SV2C: variants seen among roughly 807,000 people sequenced by gnomAD.
SV2C encodes solute carrier family 22 member B3.
Under a neutral mutation model 79.7 loss-of-function variants are expected in SV2C, and 49 were observed. The observed-to-expected ratio is 0.61, with a 90% CI of 0.49 to 0.78. SV2C has a LOEUF of 0.78. SV2C is among the 30% of genes least tolerant of loss of function. SV2C has a pLI of 0.00. For missense variants in SV2C, 833 were observed against 912.9 expected (o/e 0.91, Z 1.13); for synonymous variants, 334 against 333.2 (o/e 1.00, Z -0.03).
downstream of SV2C, among the ~76,000 whole-genome samples, chr5:76,337,807 A>G (rs768330310): frequency 3.9e-5 from 6 of 152,192 alleles, no homozygotes; most frequent in Non-Finnish European, 5.9e-5. Context: ...TCCATTTATT[A>G]GAATTCCAGA....
At chr5:76,039,572 A>G in the SV2C span, among the ~76,000 whole-genome samples, 1 of 152,138 alleles carries the variant, frequency 6.6e-6, no homozygotes, top group Non-Finnish European at 1.5e-5. Flanking sequence ...CCTGGACAAC[A>G]TGGTGAAACC....
chr5:76,086,451 C>G lies in SV2C; in HGVS notation c.-102+2939C>G, dbSNP rs142139919. Among the ~76,000 whole-genome samples the G allele has an allele frequency of 2.1e-3, 324 of 152,272 alleles. 3 individuals carry two copies. Among genetic ancestry groups the G allele is most frequent in the African/African-American group, 7.4e-3 (308 of 41,552 alleles). On this transcript the variant is annotated intron_variant, in intron 1 of 12. Coordinates refer to ENST00000502798, the MANE Select transcript of SV2C (RefSeq NM_014979.4). ...GGTAGATTTCTGTGAGTAGTGAAAG[C>G]AAAATGCCTCTTTTTCTGTGCAGCT... is the stretch of plus-strand genomic sequence containing the variant.
chr5:76,010,719 T>G, the SV2C span, among the ~76,000 whole-genome samples: 19 of 152,254 alleles, frequency 1.2e-4, no homozygotes, highest in Admixed American at 5.2e-4. Context: ...CATGACACAA[T>G]TTTTTAGGTG....
At chr5:76,103,780 T>C (rs1007027763) in intron 1 of SV2C, among the ~76,000 whole-genome samples, 1 of 152,242 alleles carries the variant, frequency 6.6e-6, no homozygotes, top group African/African-American at 2.4e-5. Context: ...TGAATTCTGC[T>C]AAACATTTAA....
the SV2C span, among the ~76,000 whole-genome samples, chr5:75,942,630 C>A: frequency 6.6e-6 from 1 of 152,122 alleles, no homozygotes; most frequent in African/African-American, 2.4e-5. Context: ...GAATCTGTGT[C>A]CTAAATGATA....
At chr5:76,298,714 C>T in intron 9 of SV2C, 80 bp from the exon 10 acceptor site, 3 of 1,530,280 alleles carry the variant, frequency 2.0e-6, no homozygotes, top group Non-Finnish European at 2.7e-6. Flanking sequence ...GGCATTCCAT[C>T]TCTAAAACTA....
At chr5:76,284,381 G>A (rs984944592) in intron 4 of SV2C, among the ~76,000 whole-genome samples, 5 of 152,066 alleles carry the variant, frequency 3.3e-5, no homozygotes, top group African/African-American at 7.2e-5. Context: ...TGCAGCAACC[G>A]CCAATTCCTA....
At chr5:75,933,876 G>C in the SV2C span, among the ~76,000 whole-genome samples, 1 of 151,990 alleles carries the variant, frequency 6.6e-6, no homozygotes, top group Non-Finnish European at 1.5e-5. Flanking sequence ...AAGGCTCCTC[G>C]TTCCCCTACA....
chr5:76,151,134 T>C (rs533354164), intron 2 of SV2C, among the ~76,000 whole-genome samples: 1 of 152,300 alleles, frequency 6.6e-6, no homozygotes, highest in Non-Finnish European at 1.5e-5. Flanking sequence ...GACTGTGGTA[T>C]TTGAGCCAGG....
intron 4 of SV2C, among the ~76,000 whole-genome samples, chr5:76,236,758 C>T (rs535935734): frequency 1.4e-4 from 22 of 152,120 alleles, no homozygotes; most frequent in African/African-American, 5.1e-4. Flanking sequence ...GCCCCACCTC[C>T]GACACTGGGG....
intron 8 of SV2C, among the ~76,000 whole-genome samples, chr5:76,294,922 G>A (rs1747693515): frequency 1.3e-5 from 2 of 152,206 alleles, no homozygotes; most frequent in Admixed American, 6.5e-5. Flanking sequence ...CAGTATCACA[G>A]CAGTGTAGGA....
the SV2C span, among the ~76,000 whole-genome samples, chr5:76,021,277 A>G: frequency 6.6e-6 from 1 of 152,242 alleles, no homozygotes; most frequent in Admixed American, 6.5e-5. Flanking sequence ...TATATTTACC[A>G]TCAATACTCA....
chr5:76,304,482 T>C (rs1038334160), intron 12 of SV2C, among the ~76,000 whole-genome samples: 2 of 152,212 alleles, frequency 1.3e-5, no homozygotes, highest in Non-Finnish European at 2.9e-5. Context: ...AATACAAGAA[T>C]ACAGGAATAG....
chr5:75,877,324 A>G, the SV2C span, among the ~76,000 whole-genome samples: 1 of 152,106 alleles, frequency 6.6e-6, no homozygotes, highest in Non-Finnish European at 1.5e-5. Context: ...ATAATTCAAC[A>G]ACAATAATTG....
chr5:76,128,136 C>A (rs767931896), intron 1 of SV2C, among the ~76,000 whole-genome samples: 1 of 152,106 alleles, frequency 6.6e-6, no homozygotes, highest in Non-Finnish European at 1.5e-5. Flanking sequence ...CTTGAGTAAA[C>A]GAGGAGCATC....
At chr5:76,350,927 T>C (rs1040179444) in intron 12 of SV2C, among the ~76,000 whole-genome samples, 4 of 151,722 alleles carry the variant, frequency 2.6e-5, no homozygotes, top group African/African-American at 4.8e-5. Context: ...GGCATGAGAA[T>C]CGCTTGAACC....
chr5:75,889,464 T>C, the SV2C span, among the ~76,000 whole-genome samples: 1 of 152,134 alleles, frequency 6.6e-6, no homozygotes, highest in Non-Finnish European at 1.5e-5. Context: ...TATTCCATGG[T>C]GTATATGTGA....
At position 76,331,587 on chromosome 5, in the gene SV2C, TG is replaced by T. The variant is rs1046118007; in HGVS notation, c.*6041del. On this transcript the variant is annotated 3_prime_UTR_variant, in exon 13 of 13. Coordinates refer to ENST00000502798, the MANE Select transcript of SV2C (RefSeq NM_014979.4). Reference sequence around the variant, plus strand: ...TTGTCAGTGACCCTCTACCCTCCTCTGAGAGCCCCATTGCCATTTTTGCCCA... The same window carrying T: ...TTGTCAGTGACCCTCTACCCTCCTCTAGAGCCCCATTGCCATTTTTGCCCA... 2.0e-5 allele frequency: 3 copies of T among 152,284 alleles called. No homozygotes were observed. The highest frequency in any genetic ancestry group is 7.2e-5 in the African/African-American group (3 of 41,442). The allele number at this position is 152,284 out of a possible 1,614,324, so 9.4% of individuals were successfully genotyped here.
chr5:76,217,180 C>T (rs1744928286), intron 4 of SV2C, among the ~76,000 whole-genome samples: 2 of 152,188 alleles, frequency 1.3e-5, no homozygotes, highest in Admixed American at 6.5e-5. Flanking sequence ...ACTTGGGGCT[C>T]CCATAAACGT....
Sources: gnomAD v4.1 joint callset for allele counts (sites outside exome capture counted in the v4.1 genomes callset) on GRCh38, gnomAD v4.1.1 for gene constraint, MANE v1.5 for transcripts, NCBI Gene and HGNC (gene_info 2026-07-23, HGNC 2026-07-21) for gene names.